PGM1: variants seen among roughly 807,000 people sequenced by gnomAD.
PGM1 encodes phosphoglucomutase-1.
Under a neutral mutation model 55.6 loss-of-function variants are expected in PGM1, and 52 were observed. The ratio of observed to expected loss-of-function variants is 0.94; its 90% CI spans 0.75 to 1.18. PGM1 has a LOEUF of 1.18. PGM1 is among the 50% of genes most tolerant of loss of function. PGM1 has a pLI of 0.00. For missense variants in PGM1, 724 were observed against 729.3 expected (o/e 0.99, Z 0.08); for synonymous variants, 287 against 271.7 (o/e 1.06, Z -0.55).
intron 10 of PGM1, among the ~76,000 whole-genome samples, chr1:63,655,013 G>T (rs1649923240): frequency 1.4e-5 from 2 of 147,102 alleles, no homozygotes; most frequent in African/African-American, 2.5e-5. Context: ...CTGTTGCCCA[G>T]GCTGGAGTGC....
At chr1:63,633,936 T>A (rs796965274) in intron 4 of PGM1, among the ~76,000 whole-genome samples, 9,397 of 73,078 alleles carry the variant, frequency 0.13, 1,558 homozygotes, top group East Asian at 0.16. Context: ...ATATATATTT[T>A]TTTTTTTTTT....
In PGM1 at chr1:63,631,764, A is replaced by T; in HGVS notation, c.664A>T (p.Ile222Phe). The change falls in exon 4 of 11, where the codon ATT becomes TTT. Residue 222 changes from isoleucine to phenylalanine, a missense_variant. Ile to Phe is a conservative substitution (Grantham distance 21). This residue lies in a region of PGM1 where 379 missense variants were observed against 357.5 expected (regional missense o/e 1.06). Coordinates refer to ENST00000371084, the MANE Select transcript of PGM1 (RefSeq NM_002633.3). Reference protein sequence around the residue: ...LSGPNRLKIRIDAMHGVVGPY... With the variant: ...LSGPNRLKIRFDAMHGVVGPY... The stretch of plus-strand genomic sequence containing the variant: ...TGGGCCAAACCGACTGAAGATCCGT[A>T]TTGATGCTATGCATGGAGGTATACA... The T allele has an allele frequency of 1.2e-6, 2 of 1,613,816 alleles. No individual in the cohort carries two copies. Among genetic ancestry groups the T allele is most frequent in the Non-Finnish European group, 1.7e-6 (2 of 1,179,754 alleles).
chr1:63,645,038 C>G (rs918084378), intron 7 of PGM1, among the ~76,000 whole-genome samples: 1 of 152,178 alleles, frequency 6.6e-6, no homozygotes, highest in Non-Finnish European at 1.5e-5. Flanking sequence ...TCATCAGAAC[C>G]CTGAAGAAAA....
At chr1:63,637,139 G>A (rs74081410) in intron 6 of PGM1, among the ~76,000 whole-genome samples, 330 of 152,262 alleles carry the variant, frequency 2.2e-3, no homozygotes, top group African/African-American at 7.3e-3. Context: ...GGCCAGGGAG[G>A]AAAGTAGGCT....
Position 63,628,883 on chromosome 1 carries a change from C to G in PGM1, c.247-542C>G, listed in dbSNP as rs114925372. Among the ~76,000 whole-genome samples the G allele has an allele frequency of 4.1e-3, 618 of 152,128 alleles. 6 individuals are homozygous for G. Among genetic ancestry groups the G allele is most frequent in the African/African-American group, 0.014 (591 of 41,480 alleles). On this transcript the variant is annotated intron_variant, in intron 1 of 10. Coordinates refer to ENST00000371084, the MANE Select transcript of PGM1 (RefSeq NM_002633.3). ...TAGGTGTGTCTTGCTTTGAGGAAAC[C>G]CACTATATGAAAAAGCCAAGCTTGA...
At position 63,629,458 on chromosome 1, in the gene PGM1, C is replaced by T; in HGVS notation, c.280C>T (p.Leu94Phe). Residue 94 changes from leucine (L) to phenylalanine (F), a missense_variant, in exon 2 of 11, where the codon CTC (leucine) becomes TTC (phenylalanine). Around this residue, in one of 3 missense-constraint regions of PGM1, gnomAD observed 379 missense variants for 357.5 expected, o/e 1.06. Transcript: ENST00000371084. Reference sequence around the variant, plus strand: ...CTTGGTTATCGGACAGAATGGAATCCTCTCCACCCCTGCTGTATCCTGCAT... The same window carrying T: ...CTTGGTTATCGGACAGAATGGAATCTTCTCCACCCCTGCTGTATCCTGCAT... ...GRLVIGQNGI[L>F]STPAVSCIIR... is the part of the protein sequence containing the mutation. 6.2e-6 allele frequency: 10 copies of T among 1,613,684 alleles called. No homozygotes were observed. The highest frequency in any genetic ancestry group is 2.2e-5 in the East Asian group (1 of 44,880).
rs562154505 is a variant in PGM1, at chr1:63,599,273, C to G, written c.246+5539C>G. ...CTCCGCCTCCTGGGTTCAAGTGATT[C>G]TTCTGCCTCAGCCTCCTGAGTAGGT... is the stretch of plus-strand genomic sequence containing the variant. On this transcript the variant is annotated intron_variant, in intron 1 of 10. Coordinates refer to ENST00000371084, the MANE Select transcript of PGM1 (RefSeq NM_002633.3). Among the ~76,000 whole-genome samples, 6 of 152,156 alleles carry G rather than the reference C, an allele frequency of 3.9e-5. No homozygotes were observed. The South Asian group carries it at 1.0e-3, about 26-fold the overall frequency.
rs548987425 is a variant in PGM1 at position 63,616,157 on chromosome 1, C to T, written c.247-13268C>T. 1.8e-4 allele frequency among the ~76,000 whole-genome samples: 27 copies of T among 152,236 alleles called. 1 individual carries two copies. In the South Asian group the frequency reaches 5.6e-3, roughly 32 times the overall value. ...CTTCTGTTAGCGCCAAGTGAATATT[C>T]TTAAGGGATTGAAATTCAAATTGTC... On this transcript the variant is annotated intron_variant, in intron 1 of 10. Coordinates refer to ENST00000371084, the MANE Select transcript of PGM1 (RefSeq NM_002633.3).
chr1:63,648,436 C>T, intron 7 of PGM1, 81 bp from the exon 8 acceptor site: 1 of 1,530,298 alleles, frequency 6.5e-7, no homozygotes, highest in Non-Finnish European at 9.0e-7. Flanking sequence ...GGTGGGGATG[C>T]AGAGCCAAAC....
rs1375022609 is a variant in PGM1 at position 63,636,236 on chromosome 1, T to C, written c.876T>C (p.Asp292=). 1 of 1,613,964 alleles carries C rather than the reference T, an allele frequency of 6.2e-7. No homozygotes were observed. Among genetic ancestry groups the C allele is most frequent in the Non-Finnish European group, 8.5e-7 (1 of 1,179,904 alleles). Residue 292 remains aspartate, a splice_region_variant and synonymous_variant, in exon 6 of 11, where the codon GAT becomes GAC. Transcript: ENST00000371084. ...DFGAAFDGDG[D]RNMILGKHGF... ...TTTGATCCTCTCTTCTCCCCAAGGA[T>C]CGAAACATGATTCTGGGCAAGCATG... is the stretch of plus-strand genomic sequence containing the variant.
chr1:63,597,920 C>T (rs993614117), intron 1 of PGM1, among the ~76,000 whole-genome samples: 5 of 152,190 alleles, frequency 3.3e-5, no homozygotes, highest in African/African-American at 9.6e-5. Context: ...TCTTTTGTCA[C>T]GGCTCCTTTG....
intron 8 of PGM1, among the ~76,000 whole-genome samples, chr1:63,649,451 C>T (rs1649745740): frequency 6.6e-6 from 1 of 152,106 alleles, no homozygotes; most frequent in South Asian, 2.1e-4. Flanking sequence ...TTCTGGACCT[C>T]AGTATTCCAA....
chr1:63,643,294 C>T (rs2100994372), intron 7 of PGM1, among the ~76,000 whole-genome samples: 1 of 152,348 alleles, frequency 6.6e-6, no homozygotes, highest in Admixed American at 6.5e-5. Flanking sequence ...TCTGTGAGGG[C>T]AGGGGATACG....
intron 1 of PGM1, among the ~76,000 whole-genome samples, chr1:63,600,642 T>C (rs537983964): frequency 2.6e-5 from 4 of 152,300 alleles, no homozygotes; most frequent in East Asian, 1.9e-4. Flanking sequence ...AGTGCAGCAA[T>C]TGGGATGTCT....
intron 8 of PGM1, among the ~76,000 whole-genome samples, chr1:63,651,127 T>G (rs1342702922): frequency 6.6e-6 from 1 of 151,938 alleles, no homozygotes; most frequent in African/African-American, 2.4e-5. Flanking sequence ...GGCGTCTTCA[T>G]CTGGTCGGTG....
At chr1:63,601,464 A>G (rs1264701548) in intron 1 of PGM1, among the ~76,000 whole-genome samples, 1 of 152,200 alleles carries the variant, frequency 6.6e-6, no homozygotes, top group Non-Finnish European at 1.5e-5. Flanking sequence ...GTGAAGCAGG[A>G]AAGTTTGAAC....
intron 4 of PGM1, among the ~76,000 whole-genome samples, chr1:63,633,420 A>G (rs1410372095): frequency 6.6e-6 from 1 of 152,170 alleles, no homozygotes; most frequent in Non-Finnish European, 1.5e-5. Context: ...TATCCCTCAC[A>G]GCCCTGGCTG....
At chr1:63,594,013 C>G in intron 1 of PGM1, 1 of 1,134,280 alleles carries the variant, frequency 8.8e-7, no homozygotes. Flanking sequence ...TCACGCCCGA[C>G]TCTCCGTCTC....
chr1:63,655,124 A>G (rs1228393412), intron 10 of PGM1, among the ~76,000 whole-genome samples: 1 of 151,002 alleles, frequency 6.6e-6, no homozygotes, highest in Non-Finnish European at 1.5e-5. Context: ...ACGTGCCACC[A>G]TGCTCTGCTC....
Sources: gnomAD v4.1 joint callset for allele counts (sites outside exome capture counted in the v4.1 genomes callset) on GRCh38, gnomAD v4.1.1 for gene constraint, gnomAD v4.1.1 regional missense constraint, MANE v1.5 for transcripts, NCBI Gene and HGNC (gene_info 2026-07-23, HGNC 2026-07-21) for gene names.